WAC: variants seen among roughly 807,000 people sequenced by gnomAD.
The protein encoded by WAC is WW domain-containing adapter protein with coiled-coil.
Under a neutral mutation model 79.6 loss-of-function variants are expected in WAC, and 11 were observed. The ratio of observed to expected loss-of-function variants is 0.14; its 90% CI spans 0.09 to 0.23. The LOEUF (loss-of-function observed/expected upper bound fraction) is 0.23. Among genes scored for constraint, WAC ranks in the 10% least tolerant of loss-of-function variants. The pLI is 1.00. For missense variants in WAC, 728 were observed against 773.5 expected (o/e 0.94, Z 0.70); for synonymous variants, 304 against 276.9 (o/e 1.10, Z -0.97).
rs35620962 is a variant in WAC at position 28,561,497 on chromosome 10, GT to G, written c.275-21892del. Reference sequence around the variant, plus strand: ...CAAAATGAAAAGTTCACTTTTAAATGTTTTTTTTTTAAAGATGGCATAAACG... The same window carrying G: ...CAAAATGAAAAGTTCACTTTTAAATGTTTTTTTTTAAAGATGGCATAAACG... On this transcript the variant is annotated intron_variant, in intron 3 of 13. Transcript: ENST00000354911. 3.9e-4 allele frequency among the ~76,000 whole-genome samples: 58 copies of G among 148,688 alleles called. No homozygotes were observed. The East Asian group carries it at 6.9e-3, about 18-fold the overall frequency.
chr10:28,541,415 G>GTGTTTTTTTTT (rs1212601285), intron 3 of WAC, among the ~76,000 whole-genome samples: 1 of 37,904 alleles, frequency 2.6e-5, no homozygotes, highest in Non-Finnish European at 4.2e-5. Context: ...GTGTGTGTGT[G>GTGTTTTTTTTT]TTTTGTTTTT....
Position 28,548,294 on chromosome 10 carries a change from G to A in WAC, c.274+12537G>A, listed in dbSNP as rs576532080. Among the ~76,000 whole-genome samples the A allele has an allele frequency of 3.6e-4, 55 of 152,036 alleles. No individual in the cohort carries two copies. In the East Asian group the frequency reaches 7.0e-3, roughly 19 times the overall value. ...AGTGCCTTTTTGTCTAACCCTATCCGTTAGAGAGTCATCTTCCACACTCTT... is the reference window on the plus strand; with the variant it reads ...AGTGCCTTTTTGTCTAACCCTATCCATTAGAGAGTCATCTTCCACACTCTT... On this transcript the variant is annotated intron_variant, in intron 3 of 13. Coordinates refer to ENST00000354911, the MANE Select transcript of WAC (RefSeq NM_016628.5).
In WAC at chr10:28,590,771, A is replaced by G; in HGVS notation, c.549A>G (p.Lys183=). The change falls in exon 6 of 14, where the codon AAA becomes AAG. Residue 183 remains lysine (K), a synonymous_variant. Coordinates refer to ENST00000354911, the MANE Select transcript of WAC (RefSeq NM_016628.5). ...AGATGGCAGTCAACAGCTTCCCAAA[A>G]GATAGGGATTACAGAAGAGAGGTGA... is the stretch of plus-strand genomic sequence containing the variant. The part of the protein sequence containing the change: ...ANKMAVNSFP[K]DRDYRREVMQ... The G allele has an allele frequency of 6.2e-7, 1 of 1,612,400 alleles. No individual in the cohort carries two copies. The highest frequency in any genetic ancestry group is 8.5e-7 in the Non-Finnish European group (1 of 1,179,632).
chr10:28,617,827 A>T, intron 13 of WAC, 43 bp downstream of exon 13: 1 of 1,537,672 alleles, frequency 6.5e-7, no homozygotes, highest in Non-Finnish European at 8.7e-7. Context: ...TCTCAGGATT[A>T]TGATTCTTAA....
chr10:28,614,833 GACAA>G, intron 11 of WAC, 148 bp downstream of exon 11: 1 of 651,710 alleles, frequency 1.5e-6, no homozygotes. Flanking sequence ...AATTTACAAA[GACAA>G]ACCTGTATAC....
chr10:28,535,196 A>G (rs572549148), intron 2 of WAC: 86 of 154,312 alleles, frequency 5.6e-4, no homozygotes, highest in African/African-American at 2.1e-3. Context: ...TATCAGCTGT[A>G]GAGCAGAAAT....
At chr10:28,567,328 C>A (rs1188420653) in intron 3 of WAC, among the ~76,000 whole-genome samples, 1 of 151,704 alleles carries the variant, frequency 6.6e-6, no homozygotes, top group East Asian at 1.9e-4. Context: ...TTGAGTGGAT[C>A]CAGTGTGGAT....
At chr10:28,596,586 CAAT>C (rs1315953193) in intron 7 of WAC, among the ~76,000 whole-genome samples, 4 of 152,074 alleles carry the variant, frequency 2.6e-5, no homozygotes, top group Non-Finnish European at 5.9e-5. Flanking sequence ...AACTCAGTGT[CAAT>C]AATCATAGCA....
chr10:28,570,095 TA>T (rs1436838404), intron 3 of WAC, among the ~76,000 whole-genome samples: 1 of 152,222 alleles, frequency 6.6e-6, no homozygotes, highest in Admixed American at 6.5e-5. Flanking sequence ...GAAATTGCCT[TA>T]TCTGTAAGGG....
chr10:28,536,382 TTTCAGTTTGAGATCCTTATTGTTGC>T (rs1212084881), intron 3 of WAC, among the ~76,000 whole-genome samples: 14 of 152,312 alleles, frequency 9.2e-5, no homozygotes, highest in African/African-American at 2.9e-4. Context: ...CTTTTAAAGA[TTTCAGTTTGAGATCCTTATTGTTGC>T]TTCAGTTTGT....
chr10:28,533,964 T>G, intron 1 of WAC, 34 bp from the exon 2 acceptor site: 2 of 1,604,874 alleles, frequency 1.2e-6, no homozygotes, highest in Non-Finnish European at 1.7e-6. Flanking sequence ...CCGCGCCGTG[T>G]CTTATGTCGC....
At chr10:28,539,199 C>T (rs1034362888) in intron 3 of WAC, among the ~76,000 whole-genome samples, 1 of 152,064 alleles carries the variant, frequency 6.6e-6, no homozygotes, top group African/African-American at 2.4e-5. Flanking sequence ...TACTAGATTT[C>T]TTAGCATCTT....
chr10:28,603,933 C>CAAAAAA (rs1312613029), intron 7 of WAC, among the ~76,000 whole-genome samples: 3 of 17,986 alleles, frequency 1.7e-4, no homozygotes, highest in East Asian at 3.7e-3. Flanking sequence ...GACTCCGTCT[C>CAAAAAA]AAAAAAAAAA....
intron 3 of WAC, among the ~76,000 whole-genome samples, chr10:28,581,589 C>G (rs955563400): frequency 6.6e-6 from 1 of 152,046 alleles, no homozygotes; most frequent in Non-Finnish European, 1.5e-5. Context: ...GAGTCTTGCT[C>G]TGTTGCCCAG....
intron 8 of WAC, 93 bp from the exon 9 acceptor site, chr10:28,610,606 A>C (rs1841190097): frequency 7.7e-7 from 1 of 1,298,670 alleles, no homozygotes; most frequent in African/African-American, 1.5e-5. Flanking sequence ...GAAATATTCC[A>C]GTTTCTTGTG....
chr10:28,608,053 G>C, intron 7 of WAC, 133 bp from the exon 8 acceptor site: 1 of 905,160 alleles, frequency 1.1e-6, no homozygotes, highest in Admixed American at 2.4e-5. Context: ...AGCATCTTCT[G>C]TGTGCTCCAG....
chr10:28,554,399 G>A (rs1368365720), intron 3 of WAC, among the ~76,000 whole-genome samples: 1 of 152,112 alleles, frequency 6.6e-6, no homozygotes, highest in Non-Finnish European at 1.5e-5. Flanking sequence ...TTGTAAAGTT[G>A]TTTGCTTCTG....
At position 28,569,628 on chromosome 10, in the gene WAC, G is replaced by A. The variant is rs558827305; in HGVS notation, c.275-13771G>A. Among the ~76,000 whole-genome samples, 53 of 152,268 alleles carry A rather than the reference G, an allele frequency of 3.5e-4. No individual in the cohort carries two copies. In the East Asian group the frequency reaches 6.7e-3, roughly 19 times the overall value. ...TCTGAATGTTTGAAACAGTTCCTCA[G>A]TGAACTTCTATAATCTAGTTCGGCT... On this transcript the variant is annotated intron_variant, in intron 3 of 13. Coordinates refer to ENST00000354911, the MANE Select transcript of WAC (RefSeq NM_016628.5).
At chr10:28,555,476 C>G (rs543674200) in intron 3 of WAC, among the ~76,000 whole-genome samples, 1 of 151,884 alleles carries the variant, frequency 6.6e-6, no homozygotes, top group South Asian at 2.1e-4. Flanking sequence ...ATACAAGAAC[C>G]ACTGCAACCA....
Sources: allele counts gnomAD v4.1 joint callset (sites outside exome capture counted in the v4.1 genomes callset), GRCh38; gene constraint gnomAD v4.1.1; transcripts MANE v1.5; gene names NCBI Gene and HGNC (gene_info 2026-07-23, HGNC 2026-07-21).